Variants in LZTFL1 observed in about 807,000 individuals in gnomAD.
LZTFL1 encodes leucine zipper transcription factor like 1.
A neutral mutation model predicts 45.9 loss-of-function variants in LZTFL1; 25 were observed. The ratio of observed to expected loss-of-function variants is 0.54; its 90% CI spans 0.40 to 0.76. The LOEUF is 0.76. LZTFL1 is among the 30% of genes least tolerant of loss of function. The probability of loss-of-function intolerance (pLI) is 0.00; values close to 1 mark genes in which losing one functional copy is unlikely to be tolerated. For missense variants in LZTFL1, 277 were observed against 331.1 expected (o/e 0.84, Z 1.27); for synonymous variants, 93 against 117.4 (o/e 0.79, Z 1.35).
rs548334013 is a variant in LZTFL1 at position 45,888,714 on chromosome 3, T to C, written c.-215+24406A>G. Among the ~76,000 whole-genome samples the C allele has an allele frequency of 5.3e-5, 8 of 152,318 alleles. No individual in the cohort carries two copies. The South Asian group carries it at 1.7e-3, about 32-fold the overall frequency. The stretch of plus-strand genomic sequence containing the variant: ...TTTTCCCCCCTATATTTTTCCCGCT[T>C]TCTCACTGGCAAGACAAAAATGAAA... On this transcript the variant is annotated intron_variant, in intron 2 of 4. Transcript: ENST00000472635.
rs1575295472 is a variant in LZTFL1 at position 45,891,603 on chromosome 3, C to T, written c.-215+21517G>A. 9.2e-5 allele frequency among the ~76,000 whole-genome samples: 14 copies of T among 152,260 alleles called. 1 individual carries two copies. In the South Asian group the frequency reaches 2.9e-3, roughly 32 times the overall value. On this transcript the variant is annotated intron_variant, in intron 2 of 4. Coordinates refer to the LZTFL1 transcript ENST00000472635. ...AAAACCACAATGCAGTCAGCAAAAT[C>T]AGGAAATTTAATCCGGATGCAGCAC...
intron 2 of LZTFL1, among the ~76,000 whole-genome samples, chr3:45,886,098 G>C (rs72884905): frequency 0.012 from 1,756 of 152,268 alleles, 38 homozygotes; most frequent in African/African-American, 0.04. Context: ...ACAGCCCTCC[G>C]GGTTCTGGTA....
intron 3 of LZTFL1, among the ~76,000 whole-genome samples, chr3:45,855,310 C>G (rs1701373476): frequency 6.6e-6 from 1 of 152,054 alleles, no homozygotes; most frequent in South Asian, 2.1e-4. Context: ...AAAGACAAAA[C>G]CCACATGATT....
At position 45,902,569 on chromosome 3, in the gene LZTFL1, G is replaced by C. The variant is rs200857548; in HGVS notation, c.-215+10551C>G. 4.8e-5 allele frequency: 8 copies of C among 167,300 alleles called. No homozygotes were observed. The South Asian group carries it at 1.7e-3, about 35-fold the overall frequency. The allele number at this position is 167,300 out of a possible 1,614,324, so 10.4% of individuals were successfully genotyped here. On this transcript the variant is annotated intron_variant, in intron 2 of 4. Coordinates refer to the LZTFL1 transcript ENST00000472635. ...CCCACAAGGCATCCAAAGTCTGTTG[G>C]CTTCCAATCCATTTCTGTGTCCTGC...
intron 2 of LZTFL1, among the ~76,000 whole-genome samples, chr3:45,868,619 A>G (rs745995857): frequency 6.6e-5 from 10 of 152,240 alleles, no homozygotes; most frequent in Non-Finnish European, 8.8e-5. Flanking sequence ...GAGGCTTAAC[A>G]AGATTGAGTG....
intron 4 of LZTFL1, among the ~76,000 whole-genome samples, chr3:45,854,781 G>A (rs777067186): frequency 6.6e-6 from 1 of 152,198 alleles, no homozygotes; most frequent in Admixed American, 6.5e-5. Flanking sequence ...ATTCAGAGTT[G>A]CTTATGAGTT....
intron 2 of LZTFL1, among the ~76,000 whole-genome samples, chr3:45,904,521 A>G (rs1702640820): frequency 6.6e-6 from 1 of 152,214 alleles, no homozygotes; most frequent in African/African-American, 2.4e-5. Context: ...GAGTGGCTAT[A>G]ACTTCTTCTT....
chr3:45,901,076 CT>C lies in LZTFL1; in HGVS notation c.-215+12043del, dbSNP rs1330483009. 3.7e-6 allele frequency: 6 copies of C among 1,614,084 alleles called. No individual in the cohort carries two copies. Among genetic ancestry groups the C allele is most frequent in the Non-Finnish European group, 5.1e-6 (6 of 1,180,042 alleles). Reference sequence around the variant, plus strand: ...TGAATTTGGCAATTGCTGACCTCCTCTTTCTTGTCACTCTTCCCTTCTGGGC... The same window carrying C: ...TGAATTTGGCAATTGCTGACCTCCTCTTCTTGTCACTCTTCCCTTCTGGGC... On this transcript the variant is annotated intron_variant, in intron 2 of 4. Coordinates refer to the LZTFL1 transcript ENST00000472635. This position sits in a 1 kb window ranked among gnomAD's most constrained non-coding sequence, Gnocchi z 4.3.
At chr3:45,890,358 T>TATTTATATAA (rs1702139739) in intron 2 of LZTFL1, among the ~76,000 whole-genome samples, 2 of 81,588 alleles carry the variant, frequency 2.5e-5, no homozygotes, top group Non-Finnish European at 5.0e-5. Flanking sequence ...AACATATATA[T>TATTTATATAA]ATATATAACA....
chr3:45,836,603 C>T (rs548954652), intron 2 of LZTFL1, among the ~76,000 whole-genome samples: 5 of 152,118 alleles, frequency 3.3e-5, no homozygotes, highest in African/African-American at 1.2e-4. Flanking sequence ...TGCAGTGAGC[C>T]GACATCATGC....
chr3:45,830,816 G>A, intron 7 of LZTFL1, 97 bp downstream of exon 7: 1 of 1,000,334 alleles, frequency 1.0e-6, no homozygotes, highest in South Asian at 1.4e-5. Context: ...GGAGTAGCAG[G>A]GGTGGGGTAC....
chr3:45,837,014 A>T (rs1027591042), intron 2 of LZTFL1, among the ~76,000 whole-genome samples: 9 of 152,166 alleles, frequency 5.9e-5, no homozygotes, highest in Non-Finnish European at 1.2e-4. Flanking sequence ...CCGCAACCTC[A>T]GCTTTATTTT....
chr3:45,895,170 G>A, intron 2 of LZTFL1: 3 of 580,182 alleles, frequency 5.2e-6, no homozygotes, highest in Non-Finnish European at 6.1e-6. Context: ...GTATGTTGTG[G>A]AGACAGAGGA....
intron 2 of LZTFL1, among the ~76,000 whole-genome samples, chr3:45,872,943 C>A (rs1288141688): frequency 6.6e-6 from 1 of 152,178 alleles, no homozygotes; most frequent in African/African-American, 2.4e-5. Context: ...GTATTCTAAT[C>A]TAAACTGAGG....
intron 2 of LZTFL1, among the ~76,000 whole-genome samples, chr3:45,909,233 G>A (rs1399559810): frequency 2.6e-5 from 4 of 152,084 alleles, no homozygotes; most frequent in African/African-American, 9.7e-5. Flanking sequence ...TAAATAAAGT[G>A]CACAATAGAT....
At chr3:45,882,763 G>A (rs1348438051) in intron 2 of LZTFL1, among the ~76,000 whole-genome samples, 1 of 151,408 alleles carries the variant, frequency 6.6e-6, no homozygotes, top group Non-Finnish European at 1.5e-5. Context: ...TCAGTTGCCA[G>A]GTACAGCACT....
rs1702196897 is a variant in LZTFL1, at chr3:45,892,103, G to C, written c.-215+21017C>G. Among the ~76,000 whole-genome samples the C allele has an allele frequency of 2.6e-5, 4 of 152,240 alleles. No individual in the cohort carries two copies. In the South Asian group the frequency reaches 8.3e-4, roughly 32 times the overall value. On this transcript the variant is annotated intron_variant, in intron 2 of 4. Transcript: ENST00000472635. ...TTTAGATTCCAAGATCAGGGCACTA[G>C]GTGCTAATTATGCTGTGTATCATTG...
chr3:45,828,416 T>A, intron 8 of LZTFL1, 23 bp downstream of exon 8: 1 of 1,606,936 alleles, frequency 6.2e-7, no homozygotes, highest in Non-Finnish European at 8.5e-7. Context: ...AACAGACAAA[T>A]CCCTTAAACA....
rs1700944956 is a variant in LZTFL1 at position 45,835,603 on chromosome 3, C to T, written c.310G>A (p.Glu104Lys). 1.9e-6 allele frequency: 3 copies of T among 1,613,812 alleles called. No homozygotes were observed. Among genetic ancestry groups the T allele is most frequent in the African/African-American group, 2.7e-5 (2 of 74,922 alleles). Reference protein sequence around the residue: ...WYLKLQTDISELENRELLEQV... With the variant: ...WYLKLQTDISKLENRELLEQV... ...AAATTTTATTACCGGTTTTCAAGTT[C>T]AGAGATGTCTGTCTGTAGCTTAAGA... Residue 104 changes from glutamate to lysine, a missense_variant, in exon 3 of 10, where the codon GAA (glutamate) becomes AAA (lysine). Transcript: ENST00000296135.
Sources: allele counts gnomAD v4.1 joint callset (sites outside exome capture counted in the v4.1 genomes callset), GRCh38; gene constraint gnomAD v4.1.1; non-coding constraint Gnocchi (gnomAD v3.1); transcripts MANE v1.5; gene names NCBI Gene and HGNC (gene_info 2026-07-23, HGNC 2026-07-21).